CXCR5: variants seen among roughly 807,000 people sequenced by gnomAD.
The protein encoded by CXCR5 is C-X-C motif chemokine receptor 5, also known as C-X-C chemokine receptor type 5.
Under a neutral mutation model 5.6 loss-of-function variants are expected in CXCR5, and 3 were observed. The ratio of observed to expected loss-of-function variants is 0.54; its 90% CI spans 0.24 to 1.39. The LOEUF (loss-of-function observed/expected upper bound fraction) is 1.39, where lower values mean the gene tolerates loss of function less well. CXCR5 is among the 40% of genes most tolerant of loss of function. CXCR5 has a pLI of 0.16. For missense variants in CXCR5, 333 were observed against 494.6 expected (o/e 0.67, Z 3.10); for synonymous variants, 218 against 219.9 (o/e 0.99, Z 0.08).
In CXCR5 at chr11:118,893,233, C is replaced by T. The variant is rs1270845473; in HGVS notation, c.52-363C>T. Among the ~76,000 whole-genome samples, 1 of 152,098 alleles carries T rather than the reference C, an allele frequency of 6.6e-6. No individual in the cohort carries two copies. The highest frequency in any genetic ancestry group is 1.5e-5 in the Non-Finnish European group (1 of 68,006). On this transcript the variant is annotated intron_variant, in intron 1 of 1. Coordinates refer to ENST00000292174, the MANE Select transcript of CXCR5 (RefSeq NM_001716.5). The surrounding 1 kb of genome is among the most constrained non-coding windows in gnomAD (Gnocchi z 5.7). ...AACTGGAACAGATGGGTCCTTGTAC[C>T]AAGCAGGTCCATTCCCCAAATTGAA...
At chr11:118,891,726 C>T (rs931750305) in intron 1 of CXCR5, among the ~76,000 whole-genome samples, 5 of 151,692 alleles carry the variant, frequency 3.3e-5, no homozygotes, top group Admixed American at 6.6e-5. Context: ...AAAAAATTAC[C>T]TAGGTGTGGT....
intron 1 of CXCR5, among the ~76,000 whole-genome samples, chr11:118,892,828 TTTCTGC>T (rs1335449266): frequency 3.3e-5 from 5 of 152,148 alleles, no homozygotes; most frequent in Admixed American, 2.0e-4. Flanking sequence ...GCCTCTGGGC[TTTCTGC>T]TTCTGAGTGC....
Position 118,889,610 on chromosome 11 carries a change from A to T in CXCR5, c.52-3986A>T, listed in dbSNP as rs1211363754. 3.9e-5 allele frequency among the ~76,000 whole-genome samples: 6 copies of T among 152,212 alleles called. No individual in the cohort carries two copies. The East Asian group carries it at 1.2e-3, about 29-fold the overall frequency. ...GGGAGCTAGAACTCCTATGTGTGGG[A>T]AGTGGCTTTAACATGTGCCACTCCC... On this transcript the variant is annotated intron_variant, in intron 1 of 1. Transcript: ENST00000292174.
intron 1 of CXCR5, among the ~76,000 whole-genome samples, chr11:118,892,670 G>C (rs1048241676): frequency 5.9e-5 from 9 of 151,666 alleles, no homozygotes; most frequent in South Asian, 2.1e-4. Flanking sequence ...GGGGTGATGG[G>C]GGGGGGGTGA....
intron 1 of CXCR5, chr11:118,886,045 G>A (rs528347981): frequency 6.0e-5 from 17 of 283,736 alleles, no homozygotes; most frequent in Admixed American, 3.0e-4. Flanking sequence ...CTGAAGGGCC[G>A]TGAGCAGCTT....
chr11:118,885,799 G>A (rs1939701678), intron 1 of CXCR5: 1 of 153,906 alleles, frequency 6.5e-6, no homozygotes, highest in Non-Finnish European at 1.4e-5. Flanking sequence ...AAGGGACCCA[G>A]TGACTTTCTT....
intron 1 of CXCR5, among the ~76,000 whole-genome samples, chr11:118,885,595 A>G (rs1195163677): frequency 6.6e-6 from 1 of 152,216 alleles, no homozygotes; most frequent in Non-Finnish European, 1.5e-5. Flanking sequence ...CTGCAGCTTC[A>G]AACTGACCAC....
intron 1 of CXCR5, among the ~76,000 whole-genome samples, chr11:118,884,374 A>G (rs1173082024): frequency 1.3e-5 from 2 of 152,158 alleles, no homozygotes; most frequent in East Asian, 3.9e-4. Flanking sequence ...TACCGTAAGG[A>G]GGCTGGCATT....
chr11:118,892,889 C>T (rs1939835261), intron 1 of CXCR5, among the ~76,000 whole-genome samples: 1 of 152,152 alleles, frequency 6.6e-6, no homozygotes, highest in African/African-American at 2.4e-5. Flanking sequence ...TAGCAGGGAG[C>T]CTGCATCTGC....
Position 118,893,991 on chromosome 11 carries a change from G to C in CXCR5, c.447G>C (p.Leu149=), listed in dbSNP as rs572403236. The C allele has an allele frequency of 6.2e-7, 1 of 1,613,810 alleles. No homozygotes were observed. The highest frequency in any genetic ancestry group is 1.3e-5 in the African/African-American group (1 of 75,018). ...LLACIAVDRY[L]AIVHAVHAYR... Reference sequence around the variant, plus strand: ...CCTGCATCGCCGTGGACCGCTACCTGGCCATTGTCCACGCCGTCCATGCCT... The same window carrying C: ...CCTGCATCGCCGTGGACCGCTACCTCGCCATTGTCCACGCCGTCCATGCCT... The change falls in exon 2 of 2, where the codon CTG becomes CTC. Residue 149 remains leucine, a synonymous_variant. Coordinates refer to ENST00000292174, the MANE Select transcript of CXCR5 (RefSeq NM_001716.5). This position sits in a 1 kb window ranked among gnomAD's most constrained non-coding sequence, Gnocchi z 5.7.
chr11:118,885,211 C>A lies in CXCR5; in HGVS notation c.51+1219C>A, dbSNP rs77329980. Among the ~76,000 whole-genome samples the A allele has an allele frequency of 0.011, 1,711 of 152,272 alleles. 80 individuals carry two copies. In the East Asian group the frequency reaches 0.14, roughly 13 times the overall value. ...GAAAGTGGGCAGAAGGGCTGACTACCCAAAGCCTGGCCCCTCGGATCCAAA... is the reference window on the plus strand; with the variant it reads ...GAAAGTGGGCAGAAGGGCTGACTACACAAAGCCTGGCCCCTCGGATCCAAA... On this transcript the variant is annotated intron_variant, in intron 1 of 1. Coordinates refer to ENST00000292174, the MANE Select transcript of CXCR5 (RefSeq NM_001716.5).
Position 118,897,653 on chromosome 11 carries a change from G to A in CXCR5, c.*2990G>A, listed in dbSNP as rs774354710. 3 of 393,834 alleles carry A rather than the reference G, an allele frequency of 7.6e-6. No individual in the cohort carries two copies. Among genetic ancestry groups the A allele is most frequent in the African/African-American group, 6.3e-5 (3 of 47,350 alleles). The allele number at this position is 393,834 out of a possible 1,614,324, so 24.4% of individuals were successfully genotyped here. On this transcript the variant is annotated 3_prime_UTR_variant, in exon 2 of 2. Transcript: ENST00000292174. ...AGGAATGGTATCCCTTAGGGACCCA[G>A]AGACACTGCAAACAGTGGGTGGCCA...
chr11:118,890,584 T>C (rs1437143162), intron 1 of CXCR5, among the ~76,000 whole-genome samples: 2 of 151,910 alleles, frequency 1.3e-5, no homozygotes, highest in African/African-American at 4.8e-5. Flanking sequence ...AGGAATGTGT[T>C]GGGGTGTTGG....
At chr11:118,887,094 C>T in intron 1 of CXCR5, 1 of 270,624 alleles carries the variant, frequency 3.7e-6, no homozygotes, top group Non-Finnish European at 5.7e-6. Context: ...GGGAGAGCCC[C>T]AAGGCCAAGC....
rs759698719 is a variant in CXCR5, at chr11:118,894,663, G to A, written c.1119G>A (p.Ter373=). The A allele has an allele frequency of 2.3e-5, 34 of 1,508,380 alleles. No individual in the cohort carries two copies. In the South Asian group the frequency reaches 4.0e-4, roughly 18 times the overall value. The allele number at this position is 1,508,380 out of a possible 1,614,324, so 93.4% of individuals were successfully genotyped here. A position where few individuals can be genotyped will look rare whatever the true frequency, so the allele number is the denominator to read the frequency against. Residue 373 remains the stop codon, a stop_retained_variant, in exon 2 of 2, where the codon TAG becomes TAA. Transcript: ENST00000292174. The surrounding 1 kb of genome is among the most constrained non-coding windows in gnomAD (Gnocchi z 6.1). The stretch of plus-strand genomic sequence containing the variant: ...ATGCCACCTCTCTCACCACGTTCTA[G>A]GTCCCAGTGTCCCCTTTTATTGCTG... ...SENATSLTTF[*] is the part of the protein sequence containing the mutation.
intron 1 of CXCR5, among the ~76,000 whole-genome samples, chr11:118,888,435 C>T (rs548098994): frequency 5.9e-5 from 9 of 152,278 alleles, no homozygotes; most frequent in Admixed American, 2.0e-4. Context: ...AGACACTACA[C>T]CCCTAGTACC....
intron 1 of CXCR5, chr11:118,887,226 C>T (rs566601769): frequency 6.2e-5 from 61 of 985,302 alleles, no homozygotes; most frequent in African/African-American, 3.3e-4. Context: ...TCTAGCAGAA[C>T]GGCAGAAACA....
At chr11:118,892,208 T>C (rs1267268988) in intron 1 of CXCR5, among the ~76,000 whole-genome samples, 1 of 152,134 alleles carries the variant, frequency 6.6e-6, no homozygotes, top group Non-Finnish European at 1.5e-5. Context: ...CACCTCCTTC[T>C]CACAGACCCT....
chr11:118,886,403 C>T lies in CXCR5; in HGVS notation c.51+2411C>T, dbSNP rs1024664372. On this transcript the variant is annotated intron_variant, in intron 1 of 1. Coordinates refer to ENST00000292174, the MANE Select transcript of CXCR5 (RefSeq NM_001716.5). ...CTGGCCATAAGCCAGGTTCGTCATT[C>T]TGTATTCCATTTGTCCTCTTGAACT... 12 of 428,784 alleles carry T rather than the reference C, an allele frequency of 2.8e-5. No homozygotes were observed. The East Asian group carries it at 7.2e-4, about 26-fold the overall frequency. 26.6% of individuals were successfully genotyped at this position (428,784 alleles called of 1,614,324 possible). A position where few individuals can be genotyped will look rare whatever the true frequency, so the allele number is the denominator to read the frequency against.
Sources: allele counts gnomAD v4.1 joint callset (sites outside exome capture counted in the v4.1 genomes callset), GRCh38; gene constraint gnomAD v4.1.1; non-coding constraint Gnocchi (gnomAD v3.1); transcripts MANE v1.5; gene names NCBI Gene and HGNC (gene_info 2026-07-23, HGNC 2026-07-21).